MAPK10: variants seen among roughly 807,000 people sequenced by gnomAD.
MAPK10 encodes the protein JNK3 alpha protein kinase.
A neutral mutation model predicts 59.3 loss-of-function variants in MAPK10; 25 were observed. The observed-to-expected ratio is 0.42, with a 90% CI of 0.31 to 0.59. The LOEUF (loss-of-function observed/expected upper bound fraction) is 0.59, where lower values mean the gene tolerates loss of function less well. Ranked by LOEUF, MAPK10 falls within the 20% of genes least tolerant of loss-of-function variation. The probability of loss-of-function intolerance (pLI) is 0.15; values close to 1 mark genes in which losing one functional copy is unlikely to be tolerated. For missense variants in MAPK10, 351 were observed against 568.9 expected (o/e 0.62, Z 3.90); for synonymous variants, 190 against 200.5 (o/e 0.95, Z 0.44).
intron 4 of MAPK10, among the ~76,000 whole-genome samples, chr4:86,137,063 T>TA (rs1324831000): frequency 1.3e-5 from 2 of 151,094 alleles, no homozygotes; most frequent in Admixed American, 1.3e-4. Flanking sequence ...CAAAGAGACT[T>TA]AGACTCCCAC....
At chr4:86,465,722 A>G (rs1752139326) in intron 1 of MAPK10, among the ~76,000 whole-genome samples, 1 of 152,196 alleles carries the variant, frequency 6.6e-6, no homozygotes, top group Non-Finnish European at 1.5e-5. Flanking sequence ...TATCATCAGG[A>G]CACCTGAAAC....
At chr4:86,336,079 T>C (rs2148926016) in intron 2 of MAPK10, among the ~76,000 whole-genome samples, 1 of 152,212 alleles carries the variant, frequency 6.6e-6, no homozygotes, top group East Asian at 1.9e-4. Flanking sequence ...TTTTTTAATA[T>C]AAAAAGAAAA....
intron 1 of MAPK10, among the ~76,000 whole-genome samples, chr4:86,419,094 T>A (rs1212096793): frequency 2.0e-5 from 3 of 152,158 alleles, no homozygotes; most frequent in Non-Finnish European, 2.9e-5. Context: ...AAATCACCAC[T>A]AAAGAACTTA....
intron 9 of MAPK10, chr4:86,081,103 A>G (rs2050558266): frequency 6.6e-6 from 1 of 152,062 alleles, no homozygotes; most frequent in African/African-American, 2.4e-5. Flanking sequence ...TATACAGCCC[A>G]GGACTTAACA....
chr4:86,511,752 G>A (rs774438075), intron 1 of MAPK10, among the ~76,000 whole-genome samples: 1 of 149,042 alleles, frequency 6.7e-6, no homozygotes, highest in African/African-American at 2.5e-5. Flanking sequence ...AGGGAAAGGG[G>A]GAGGGGAGAG....
At chr4:86,400,673 T>C (rs1470835563) in intron 1 of MAPK10, among the ~76,000 whole-genome samples, 2 of 152,136 alleles carry the variant, frequency 1.3e-5, no homozygotes, top group African/African-American at 2.4e-5. Context: ...AGCTTTATAA[T>C]TCTATAAGAT....
At chr4:86,338,462 CT>C (rs1435024568) in intron 2 of MAPK10, among the ~76,000 whole-genome samples, 1 of 152,196 alleles carries the variant, frequency 6.6e-6, no homozygotes, top group Non-Finnish European at 1.5e-5. Context: ...ATTTGGGCTT[CT>C]TTCTTTGGAA....
chr4:86,461,335 A>G (rs1255623731), intron 1 of MAPK10, among the ~76,000 whole-genome samples: 46 of 152,192 alleles, frequency 3.0e-4, no homozygotes, highest in Admixed American at 2.9e-3. Flanking sequence ...GGGAAGGCAC[A>G]GGGTCTGGAG....
At chr4:86,061,414 G>A (rs921904930) in intron 11 of MAPK10, among the ~76,000 whole-genome samples, 1 of 152,096 alleles carries the variant, frequency 6.6e-6, no homozygotes, top group Admixed American at 6.6e-5. Context: ...CTAATAATTT[G>A]AGCAGTTATT....
At chr4:86,380,261 C>CA (rs1053655011) in intron 1 of MAPK10, among the ~76,000 whole-genome samples, 3 of 151,940 alleles carry the variant, frequency 2.0e-5, no homozygotes, top group African/African-American at 7.2e-5. Flanking sequence ...AAAACCCCCC[C>CA]AAAAAAACCT....
intron 2 of MAPK10, among the ~76,000 whole-genome samples, chr4:86,309,578 A>G (rs778276070): frequency 3.9e-5 from 6 of 152,198 alleles, no homozygotes; most frequent in Non-Finnish European, 8.8e-5. Flanking sequence ...GCTATAACCT[A>G]GAAATCGTTC....
chr4:86,428,140 CTT>C (rs201894847), intron 1 of MAPK10, among the ~76,000 whole-genome samples: 43 of 142,598 alleles, frequency 3.0e-4, no homozygotes, highest in Non-Finnish European at 2.8e-4. Context: ...TTCAAAGTTA[CTT>C]TTTTTTTTTT....
chr4:86,099,388 T>C (rs1347295013), intron 8 of MAPK10: 1 of 152,248 alleles, frequency 6.6e-6, no homozygotes, highest in African/African-American at 2.4e-5. Context: ...CTTTGCCTTC[T>C]CTTACCAATC....
chr4:86,439,155 G>A (rs926007579), intron 1 of MAPK10, among the ~76,000 whole-genome samples: 5 of 151,168 alleles, frequency 3.3e-5, no homozygotes, highest in African/African-American at 2.4e-5. Flanking sequence ...ACTTTTTGAT[G>A]TACAGGTCTA....
chr4:86,287,089 A>G (rs1034610316), intron 2 of MAPK10, among the ~76,000 whole-genome samples: 1 of 152,198 alleles, frequency 6.6e-6, no homozygotes, highest in African/African-American at 2.4e-5. Context: ...TTGAGGTGTT[A>G]TAAGTGGAAA....
At chr4:86,170,752 C>A (rs1051910306) in intron 3 of MAPK10, among the ~76,000 whole-genome samples, 1 of 151,344 alleles carries the variant, frequency 6.6e-6, no homozygotes, top group Admixed American at 6.6e-5. Context: ...ACTCTCCACC[C>A]CAAATCAACA....
Position 86,103,175 on chromosome 4 carries a change from T to C in MAPK10, c.425+11A>G, listed in dbSNP as rs745990148. The C allele has an allele frequency of 1.2e-6, 2 of 1,606,826 alleles. No individual in the cohort carries two copies. The highest frequency in any genetic ancestry group is 1.1e-5 in the South Asian group (1 of 90,902). ...TGTGCTCTCCCTTCCTTCATGAGTT[T>C]TGTTACTTACACATCTTGGAACTCC... On this transcript the variant is annotated intron_variant, in intron 6 of 13. Transcript: ENST00000641462.
Position 86,466,946 on chromosome 4 carries a change from T to C in MAPK10, c.-262-112302A>G, listed in dbSNP as rs747771615. 4.9e-4 allele frequency among the ~76,000 whole-genome samples: 74 copies of C among 152,208 alleles called. 1 individual carries two copies. Among genetic ancestry groups the C allele is most frequent in the Non-Finnish European group, 7.3e-4 (50 of 68,030 alleles). ...GTGGGTCTGTTGTCTCTCTTTTCTG[T>C]CACAAGACCACCATGTCCAAGATAT... On this transcript the variant is annotated intron_variant, in intron 1 of 4. Transcript: ENST00000502302.
intron 3 of MAPK10, among the ~76,000 whole-genome samples, chr4:86,160,066 T>C (rs963351474): frequency 2.0e-5 from 3 of 152,064 alleles, no homozygotes; most frequent in Non-Finnish European, 2.9e-5. Flanking sequence ...CTTCTTTGAA[T>C]TAATATTATT....
Sources: allele counts gnomAD v4.1 joint callset (sites outside exome capture counted in the v4.1 genomes callset), GRCh38; gene constraint gnomAD v4.1.1; transcripts MANE v1.5; gene names NCBI Gene and HGNC (gene_info 2026-07-23, HGNC 2026-07-21).